AHI1: variants seen among roughly 807,000 people sequenced by gnomAD.
AHI1 encodes the protein jouberin.
A neutral mutation model predicts 149.3 loss-of-function variants in AHI1; 123 were observed. That is an observed-to-expected ratio of 0.82 (90% CI 0.71 to 0.96). The LOEUF is 0.96. Among genes scored for constraint, AHI1 ranks in the 40% least tolerant of loss-of-function variants. The pLI, the probability that AHI1 is intolerant of heterozygous loss-of-function variation, is 0.00. For synonymous variants in AHI1, 475 were observed against 459.8 expected (o/e 1.03, Z -0.42); for missense variants, 1,439 against 1,422.7 (o/e 1.01, Z -0.18).
Position 135,412,020 on chromosome 6 carries a change from G to A in AHI1, c.2765-476C>T, listed in dbSNP as rs186809398. ...GTATTTCTTACATTTCTACAATGAC[G>A]TAATTATAATTATTAAATGTTTTAC... is the stretch of plus-strand genomic sequence containing the variant. On this transcript the variant is annotated intron_variant, in intron 20 of 28. Coordinates refer to ENST00000265602, the MANE Select transcript of AHI1 (RefSeq NM_001134831.2). Among the ~76,000 whole-genome samples the A allele has an allele frequency of 2.6e-4, 40 of 151,792 alleles. No individual in the cohort carries two copies. In the East Asian group the frequency reaches 7.3e-3, roughly 28 times the overall value.
rs1279871862 is a variant in AHI1, at chr6:135,318,544, A to G, written c.3401T>C (p.Ile1134Thr). ...PPLSPEEKTK[I>T]EKSPAPQKQS... ...CTTTTGAGGAGCTGGAGATTTTTCT[A>G]TTTTAGTTTTTTCCTCAGGGCTTAA... Residue 1134 changes from isoleucine (I) to threonine (T), a missense_variant, in exon 26 of 29, where the codon ATA (isoleucine) becomes ACA (threonine). Transcript: ENST00000265602. 2 of 1,597,344 alleles carry G rather than the reference A, an allele frequency of 1.3e-6. No homozygotes were observed. Among genetic ancestry groups the G allele is most frequent in the African/African-American group, 2.7e-5 (2 of 74,746 alleles).
chr6:135,495,977 G>A (rs1404056754), intron 2 of AHI1, 79 bp from the exon 3 acceptor site: 3 of 152,036 alleles, frequency 2.0e-5, no homozygotes, highest in South Asian at 4.2e-4. Context: ...CATTATTATT[G>A]TATTAAAAAT....
chr6:135,300,196 G>A (rs557301854), intron 27 of AHI1, among the ~76,000 whole-genome samples: 2 of 151,798 alleles, frequency 1.3e-5, no homozygotes, highest in African/African-American at 2.4e-5. Context: ...GCGGAGGTGC[G>A]TGCCTGTAAT....
Position 135,455,118 on chromosome 6 carries a change from T to C in AHI1, c.1344+616A>G, listed in dbSNP as rs539453704. Among the ~76,000 whole-genome samples the C allele has an allele frequency of 1.6e-3, 245 of 152,286 alleles. 1 individual carries two copies. Among genetic ancestry groups the C allele is most frequent in the African/African-American group, 5.6e-3 (234 of 41,556 alleles). On this transcript the variant is annotated intron_variant, in intron 10 of 28. Coordinates refer to ENST00000265602, the MANE Select transcript of AHI1 (RefSeq NM_001134831.2). ...GTTCAAACTATCTGCAAACGCATTT[T>C]TTTTAACTTAAAATTCGAGTAACTT... is the stretch of plus-strand genomic sequence containing the variant.
chr6:135,301,625 T>C (rs1287345214), intron 26 of AHI1: 1 of 985,278 alleles, frequency 1.0e-6, no homozygotes, highest in African/African-American at 1.7e-5. Context: ...TACTGCTAGC[T>C]GTAGAGCTTT....
At chr6:135,484,348 G>A (rs1213689507) in intron 5 of AHI1, among the ~76,000 whole-genome samples, 2 of 152,060 alleles carry the variant, frequency 1.3e-5, no homozygotes, top group East Asian at 1.9e-4. Context: ...AGCCTTGCTC[G>A]CTACCTTACT....
chr6:135,481,939 G>A (rs972963043), intron 5 of AHI1, among the ~76,000 whole-genome samples: 1 of 151,234 alleles, frequency 6.6e-6, no homozygotes, highest in African/African-American at 2.4e-5. Flanking sequence ...AGTTTCTGAT[G>A]AGAAGTCTGC....
chr6:135,398,800 T>C (rs536057575), intron 22 of AHI1, among the ~76,000 whole-genome samples: 32 of 152,200 alleles, frequency 2.1e-4, no homozygotes, highest in Non-Finnish European at 4.0e-4. Flanking sequence ...CCTATCCTTA[T>C]GTCTTTACTT....
intron 8 of AHI1, among the ~76,000 whole-genome samples, chr6:135,460,168 G>T (rs1789646372): frequency 1.3e-5 from 2 of 152,106 alleles, no homozygotes; most frequent in Admixed American, 6.5e-5. Context: ...GAGTGACAGG[G>T]CAAGACCCTG....
At chr6:135,393,143 T>C (rs774681301) in intron 23 of AHI1, among the ~76,000 whole-genome samples, 1 of 152,042 alleles carries the variant, frequency 6.6e-6, no homozygotes, top group Non-Finnish European at 1.5e-5. Context: ...CAATCCTATA[T>C]ATAATTGTGA....
At chr6:135,483,658 C>T (rs905814035) in intron 5 of AHI1, among the ~76,000 whole-genome samples, 1 of 152,096 alleles carries the variant, frequency 6.6e-6, no homozygotes, top group Non-Finnish European at 1.5e-5. Flanking sequence ...AGTATCAAAC[C>T]ACTCCAGACT....
intron 3 of AHI1, chr6:135,492,914 T>C (rs1016404237): frequency 1.0e-5 from 10 of 981,758 alleles, no homozygotes; most frequent in Non-Finnish European, 9.7e-6. Flanking sequence ...ATGTCTAAAA[T>C]GAACATATTC....
At chr6:135,370,540 C>G (rs1490109351) in intron 23 of AHI1, among the ~76,000 whole-genome samples, 1 of 152,178 alleles carries the variant, frequency 6.6e-6, no homozygotes, top group South Asian at 2.1e-4. Context: ...TTATAGAAGG[C>G]TTGCTCCTCT....
intron 23 of AHI1, among the ~76,000 whole-genome samples, chr6:135,393,601 T>C (rs1425336148): frequency 6.6e-6 from 1 of 152,160 alleles, no homozygotes; most frequent in African/African-American, 2.4e-5. Flanking sequence ...CTTTAGTTTC[T>C]GGCAGATATC....
At chr6:135,388,170 G>T in intron 23 of AHI1, 1 of 905,864 alleles carries the variant, frequency 1.1e-6, no homozygotes, top group Non-Finnish European at 1.7e-6. Flanking sequence ...ATCTACAATA[G>T]TGAATTAATG....
At chr6:135,292,918 A>C (rs1782546617) in intron 27 of AHI1, among the ~76,000 whole-genome samples, 1 of 152,198 alleles carries the variant, frequency 6.6e-6, no homozygotes, top group South Asian at 2.1e-4. Flanking sequence ...TTATCTCCTC[A>C]TCAAAATCAG....
chr6:135,482,419 T>C (rs1410003096), intron 5 of AHI1, among the ~76,000 whole-genome samples: 3 of 151,894 alleles, frequency 2.0e-5, no homozygotes, highest in Non-Finnish European at 2.9e-5. Context: ...TTCCCTAATA[T>C]TTAACAACCA....
intron 20 of AHI1, among the ~76,000 whole-genome samples, chr6:135,416,790 T>G (rs1206440475): frequency 6.6e-6 from 1 of 152,018 alleles, no homozygotes; most frequent in African/African-American, 2.4e-5. Context: ...ACCAGCTCAA[T>G]AATAATTGGT....
intron 23 of AHI1, among the ~76,000 whole-genome samples, chr6:135,376,881 CAAAAAAAAAAAAAAAAAA>C (rs1167083326): frequency 2.4e-4 from 7 of 29,440 alleles, no homozygotes; most frequent in Admixed American, 6.2e-4. Flanking sequence ...GACTCCATCT[CAAAAAAAAAAAAAAAAAA>C]AAAAAAAAAA....
Sources: gnomAD v4.1 joint callset for allele counts (sites outside exome capture counted in the v4.1 genomes callset) on GRCh38, gnomAD v4.1.1 for gene constraint, MANE v1.5 for transcripts, NCBI Gene and HGNC (gene_info 2026-07-23, HGNC 2026-07-21) for gene names.